Variants in TMEM236 observed in about 807,000 individuals in gnomAD.
TMEM236 encodes the protein family with sequence similarity 23, member A.
A neutral mutation model predicts 14.7 loss-of-function variants in TMEM236; 11 were observed. The observed-to-expected ratio is 0.75, with a 90% CI of 0.47 to 1.24. The LOEUF is 1.24. Ranked by LOEUF, TMEM236 falls within the 50% of genes most tolerant of loss-of-function variation. The pLI is 0.00. For missense variants in TMEM236, 464 were observed against 427.3 expected (o/e 1.09, Z -0.76); for synonymous variants, 182 against 168.6 (o/e 1.08, Z -0.62).
At chr10:17,787,730 G>A (rs1416087191) in intron 3 of TMEM236, among the ~76,000 whole-genome samples, 3 of 152,188 alleles carry the variant, frequency 2.0e-5, no homozygotes, top group African/African-American at 4.8e-5. Context: ...TGCCTTTTGC[G>A]GAGCTCCTGG....
chr10:17,760,815 T>C (rs1837350820), intron 1 of TMEM236, among the ~76,000 whole-genome samples: 1 of 151,920 alleles, frequency 6.6e-6, no homozygotes. Context: ...CAGGCAAGAG[T>C]GCATGTGCAG....
intron 1 of TMEM236, among the ~76,000 whole-genome samples, chr10:17,764,853 G>T (rs1163367121): frequency 1.4e-4 from 5 of 36,222 alleles, no homozygotes; most frequent in Non-Finnish European, 3.6e-4. Context: ...TTTTTTTTGA[G>T]ACGGGGTCTC....
chr10:17,760,955 T>TG (rs1390598827), intron 1 of TMEM236, among the ~76,000 whole-genome samples: 1 of 152,210 alleles, frequency 6.6e-6, no homozygotes, highest in African/African-American at 2.4e-5. Flanking sequence ...GTGGGAATTC[T>TG]GGGAGCTACA....
At chr10:17,760,966 A>G (rs1019951566) in intron 1 of TMEM236, among the ~76,000 whole-genome samples, 3 of 152,142 alleles carry the variant, frequency 2.0e-5, no homozygotes, top group African/African-American at 2.4e-5. Flanking sequence ...GGGAGCTACA[A>G]TTCAAGATGA....
rs905439451 is a variant in TMEM236, at chr10:17,796,195, A to G, written c.747A>G (p.Ile249Met). 3.1e-6 allele frequency: 5 copies of G among 1,613,964 alleles called. No homozygotes were observed. Among genetic ancestry groups the G allele is most frequent in the Non-Finnish European group, 4.2e-6 (5 of 1,179,856 alleles). ...LWSFLLWSDT[I>M]EMVRVAGHPN... ...GCTTTCTCCTGTGGTCTGACACGAT[A>G]GAAATGGTGCGTGTGGCTGGTCACC... The change falls in exon 4 of 4, where the codon ATA becomes ATG. Residue 249 changes from isoleucine (I) to methionine (M), a missense_variant. By Grantham distance (10) the Ile-to-Met change is conservative. Coordinates refer to ENST00000377495, the MANE Select transcript of TMEM236 (RefSeq NM_001098844.3).
intron 3 of TMEM236, among the ~76,000 whole-genome samples, chr10:17,777,121 C>T (rs1293990743): frequency 6.6e-6 from 1 of 152,100 alleles, no homozygotes; most frequent in Non-Finnish European, 1.5e-5. Context: ...GCTCGTCAGT[C>T]ATTTATGGGT....
chr10:17,785,864 G>A (rs1837827945), intron 3 of TMEM236, among the ~76,000 whole-genome samples: 1 of 152,168 alleles, frequency 6.6e-6, no homozygotes, highest in East Asian at 1.9e-4. Context: ...GCATCTACTA[G>A]ACTGGGGTAA....
chr10:17,774,798 T>TTCTCTCTCTCTCTC (rs781848506), intron 2 of TMEM236, among the ~76,000 whole-genome samples: 7,327 of 141,946 alleles, frequency 0.052, 259 homozygotes, highest in Middle Eastern at 0.079. Flanking sequence ...CCTACCTCCT[T>TTCTCTCTCTCTCTC]TCTCTCTCTC....
At chr10:17,756,321 G>T (rs1283001821) in intron 1 of TMEM236, among the ~76,000 whole-genome samples, 1 of 151,598 alleles carries the variant, frequency 6.6e-6, no homozygotes, top group Non-Finnish European at 1.5e-5. Flanking sequence ...TTTTGAGATG[G>T]AGTCTAGCTC....
chr10:17,787,969 T>C (rs929803053), intron 3 of TMEM236, among the ~76,000 whole-genome samples: 2,971 of 152,206 alleles, frequency 0.02, 94 homozygotes, highest in African/African-American at 0.068. Context: ...TTTCAAAGTA[T>C]AGGATTATTT....
chr10:17,756,300 A>T (rs1236311417), intron 1 of TMEM236, among the ~76,000 whole-genome samples: 2 of 150,370 alleles, frequency 1.3e-5, no homozygotes, highest in African/African-American at 4.9e-5. Flanking sequence ...CTCATAAAGT[A>T]TTTTTTTTCT....
At chr10:17,785,930 T>A (rs1274172545) in intron 3 of TMEM236, among the ~76,000 whole-genome samples, 1 of 152,200 alleles carries the variant, frequency 6.6e-6, no homozygotes, top group East Asian at 1.9e-4. Context: ...CTGTCTGGAT[T>A]AGACCCATGA....
intron 3 of TMEM236, among the ~76,000 whole-genome samples, chr10:17,785,380 A>C (rs1837817752): frequency 6.6e-6 from 1 of 152,200 alleles, no homozygotes; most frequent in African/African-American, 2.4e-5. Context: ...ACCTCTTACT[A>C]TAGAAAGTGC....
chr10:17,792,166 C>T (rs1446948572), intron 3 of TMEM236, among the ~76,000 whole-genome samples: 1 of 152,170 alleles, frequency 6.6e-6, no homozygotes, highest in Non-Finnish European at 1.5e-5. Context: ...CGGCTCACTG[C>T]AACCTCCATC....
At chr10:17,773,092 G>C (rs1379708777) in intron 2 of TMEM236, among the ~76,000 whole-genome samples, 2 of 152,146 alleles carry the variant, frequency 1.3e-5, no homozygotes, top group Admixed American at 1.3e-4. Context: ...CATCTTGGTT[G>C]TTTCCAGTTT....
intron 1 of TMEM236, among the ~76,000 whole-genome samples, chr10:17,758,549 T>C (rs1212361438): frequency 1.3e-5 from 2 of 152,262 alleles, no homozygotes; most frequent in African/African-American, 4.8e-5. Context: ...AGTTTCTTTC[T>C]TGGAGTGCTG....
In TMEM236 at chr10:17,797,945, T is replaced by A. The variant is rs889980655; in HGVS notation, c.*1441T>A. On this transcript the variant is annotated 3_prime_UTR_variant, in exon 4 of 4. Transcript: ENST00000377495. ...AAATAATCAAAGTACAAGCCCTGTT[T>A]AAAATTAAAAGTTCGGCTTACAAAT... 1 of 152,262 alleles carries A rather than the reference T, an allele frequency of 6.6e-6. No individual in the cohort carries two copies. Among genetic ancestry groups the A allele is most frequent in the Admixed American group, 6.5e-5 (1 of 15,280 alleles). 9.4% of individuals were successfully genotyped at this position (152,262 alleles called of 1,614,324 possible).
intron 3 of TMEM236, among the ~76,000 whole-genome samples, chr10:17,795,226 C>T (rs1837991727): frequency 1.3e-5 from 2 of 152,084 alleles, no homozygotes; most frequent in African/African-American, 4.8e-5. Context: ...TTATAATTAG[C>T]TCATGATCTA....
chr10:17,770,658 C>A (rs2131748515), intron 1 of TMEM236, among the ~76,000 whole-genome samples: 1 of 152,354 alleles, frequency 6.6e-6, no homozygotes, highest in East Asian at 1.9e-4. Context: ...GCTGGGATTA[C>A]AGGCGTGAGC....
Sources: allele counts gnomAD v4.1 joint callset (sites outside exome capture counted in the v4.1 genomes callset), GRCh38; gene constraint gnomAD v4.1.1; transcripts MANE v1.5; gene names NCBI Gene and HGNC (gene_info 2026-07-23, HGNC 2026-07-21).